RHOA: variants seen among roughly 807,000 people sequenced by gnomAD.
RHOA encodes ras homolog family member A.
RHOA carries 3 observed loss-of-function variants against 17.5 expected under a neutral mutation model. The observed-to-expected ratio is 0.17, with a 90% CI of 0.08 to 0.44. The LOEUF (loss-of-function observed/expected upper bound fraction) is 0.44. Ranked by LOEUF, RHOA falls within the 20% of genes least tolerant of loss-of-function variation. The pLI, the probability that RHOA is intolerant of heterozygous loss-of-function variation, is 0.99. For synonymous variants in RHOA, 98 were observed against 88.4 expected (o/e 1.11, Z -0.61); for missense variants, 56 against 242.3 (o/e 0.23, Z 5.10).
chr3:49,382,672 A>G lies in RHOA; in HGVS notation c.-2-7081T>C, dbSNP rs368213479. On this transcript the variant is annotated intron_variant, in intron 1 of 4. Coordinates refer to ENST00000418115, the MANE Select transcript of RHOA (RefSeq NM_001664.4). ...ATTTAATAAACTTTACATCTCTCAT[A>G]AGGCCTAATCTGCATGGGCTTTTGC... is the stretch of plus-strand genomic sequence containing the variant. Among the ~76,000 whole-genome samples, 13 of 152,220 alleles carry G rather than the reference A, an allele frequency of 8.5e-5. No individual in the cohort carries two copies. The East Asian group carries it at 2.1e-3, about 25-fold the overall frequency.
chr3:49,370,770 T>C (rs943833198), intron 2 of RHOA, among the ~76,000 whole-genome samples: 1 of 152,250 alleles, frequency 6.6e-6, no homozygotes, highest in African/African-American at 2.4e-5. Context: ...ATCACCAGAC[T>C]CCATGTTAAA....
At chr3:49,407,237 T>TG (rs1486026771) in intron 1 of RHOA, among the ~76,000 whole-genome samples, 76 of 135,024 alleles carry the variant, frequency 5.6e-4, no homozygotes, top group African/African-American at 1.9e-3. Context: ...TTTCCGTTTT[T>TG]TTTTTTTTTT....
At chr3:49,366,605 A>C (rs1412246706) in intron 3 of RHOA, 1 of 152,162 alleles carries the variant, frequency 6.6e-6, no homozygotes, top group Non-Finnish European at 1.5e-5. Context: ...CCCGCCTCTA[A>C]ATCAATCAAT....
At position 49,369,183 on chromosome 3, in the gene RHOA, T is replaced by C. The variant is rs1402161363; in HGVS notation, c.157-635A>G. On this transcript the variant is annotated intron_variant, in intron 2 of 4. Coordinates refer to ENST00000418115, the MANE Select transcript of RHOA (RefSeq NM_001664.4). ...GGACTACAGGCGCCCGCCACCACGC[T>C]TGGCTAATTTTTCGTACTTTTAGTA... is the stretch of plus-strand genomic sequence containing the variant. Among the ~76,000 whole-genome samples the C allele has an allele frequency of 2.7e-5, 4 of 146,588 alleles. No individual in the cohort carries two copies. The Admixed American group carries it at 2.8e-4, about 10-fold the overall frequency.
chr3:49,404,444 A>ACACACACACACACACACACACACACACC (rs2048780556), intron 1 of RHOA, among the ~76,000 whole-genome samples: 1 of 146,140 alleles, frequency 6.8e-6, no homozygotes, highest in African/African-American at 2.5e-5. Context: ...ACACACACAC[A>ACACACACACACACACACACACACACACC]CACACACACA....
chr3:49,367,489 G>C (rs575836557), intron 3 of RHOA, among the ~76,000 whole-genome samples: 2 of 151,262 alleles, frequency 1.3e-5, no homozygotes, highest in East Asian at 3.9e-4. Flanking sequence ...CCAAAAAAAA[G>C]AAAGTCTTTC....
chr3:49,400,938 C>T (rs539313584), intron 1 of RHOA, among the ~76,000 whole-genome samples: 2 of 144,988 alleles, frequency 1.4e-5, no homozygotes, highest in Non-Finnish European at 3.0e-5. Context: ...CCCAGCTATT[C>T]GGGAGGCTGA....
At chr3:49,386,154 T>C (rs1012941156) in intron 1 of RHOA, among the ~76,000 whole-genome samples, 2 of 152,180 alleles carry the variant, frequency 1.3e-5, no homozygotes, top group Non-Finnish European at 2.9e-5. Context: ...AATCTACAGA[T>C]CGATTTGGGG....
chr3:49,375,330 T>C (rs559904558), intron 2 of RHOA, 104 bp downstream of exon 2: 11 of 1,031,332 alleles, frequency 1.1e-5, no homozygotes, highest in Non-Finnish European at 1.5e-5. Context: ...CCAACATTTT[T>C]GTTATATGGT....
chr3:49,403,060 C>A (rs916488415), intron 1 of RHOA, among the ~76,000 whole-genome samples: 1 of 151,154 alleles, frequency 6.6e-6, no homozygotes, highest in Admixed American at 6.6e-5. Flanking sequence ...AAAAGAAACC[C>A]GCCGAGCGCG....
chr3:49,395,471 G>A (rs2048599784), intron 1 of RHOA, among the ~76,000 whole-genome samples: 1 of 152,128 alleles, frequency 6.6e-6, no homozygotes, highest in African/African-American at 2.4e-5. Context: ...GGCACTTTGG[G>A]AGACTGAGAG....
chr3:49,388,549 A>T lies in RHOA; in HGVS notation c.-2-12958T>A, dbSNP rs539201302. Among the ~76,000 whole-genome samples the T allele has an allele frequency of 1.3e-3, 204 of 152,254 alleles. 2 individuals carry two copies. The highest frequency in any genetic ancestry group is 3.8e-4 in the Non-Finnish European group (26 of 68,002). ...TCAGATGCTACAGTGGCTACTGACT[A>T]TGCTTCAGTAGGTAAATTAAAACCA... On this transcript the variant is annotated intron_variant, in intron 1 of 4. Transcript: ENST00000418115.
chr3:49,399,541 A>G (rs1405231353), intron 1 of RHOA, among the ~76,000 whole-genome samples: 1 of 151,790 alleles, frequency 6.6e-6, no homozygotes, highest in Non-Finnish European at 1.5e-5. Context: ...AGACACTGGT[A>G]TATGTATAGA....
chr3:49,380,114 GA>G (rs1471993996), intron 1 of RHOA, among the ~76,000 whole-genome samples: 2 of 152,164 alleles, frequency 1.3e-5, no homozygotes, highest in Admixed American at 6.6e-5. Flanking sequence ...GGGACTTCCA[GA>G]AAGTCTTTCT....
chr3:49,362,656 T>C, intron 3 of RHOA, 30 bp from the exon 4 acceptor site: 1 of 1,593,570 alleles, frequency 6.3e-7, no homozygotes, highest in South Asian at 1.1e-5. Flanking sequence ...AATTTGGGGA[T>C]ACATACAATT....
At position 49,368,115 on chromosome 3, in the gene RHOA, T is replaced by C. The variant is rs555461432; in HGVS notation, c.277+313A>G. Among the ~76,000 whole-genome samples the C allele has an allele frequency of 3.9e-5, 6 of 152,170 alleles. No individual in the cohort carries two copies. The South Asian group carries it at 6.2e-4, about 16-fold the overall frequency. On this transcript the variant is annotated intron_variant, in intron 3 of 4. Transcript: ENST00000418115. The stretch of plus-strand genomic sequence containing the variant: ...TTAGTAAAGACGGGGTTTCACCATG[T>C]TGGCCAGGCTGGTCTTGAACTCCTG...
At chr3:49,391,714 T>C (rs2048512006) in intron 1 of RHOA, among the ~76,000 whole-genome samples, 1 of 152,070 alleles carries the variant, frequency 6.6e-6, no homozygotes, top group African/African-American at 2.4e-5. Context: ...TTTCTCCATG[T>C]TGGTCAGGCT....
intron 1 of RHOA, among the ~76,000 whole-genome samples, chr3:49,393,161 A>G (rs574505309): frequency 1.3e-5 from 2 of 152,110 alleles, no homozygotes; most frequent in East Asian, 3.9e-4. Context: ...ACAGAGCAAG[A>G]CTCTGTCTCA....
At chr3:49,396,279 G>A (rs1168210509) in intron 1 of RHOA, among the ~76,000 whole-genome samples, 1 of 152,112 alleles carries the variant, frequency 6.6e-6, no homozygotes, top group Non-Finnish European at 1.5e-5. Flanking sequence ...GTTCTTTCAA[G>A]AAGTCAGCCC....
Sources: allele counts gnomAD v4.1 joint callset (sites outside exome capture counted in the v4.1 genomes callset), GRCh38; gene constraint gnomAD v4.1.1; transcripts MANE v1.5; gene names NCBI Gene and HGNC (gene_info 2026-07-23, HGNC 2026-07-21).